The following LRP1B variants were observed in gnomAD, a reference collection of about 807,000 sequenced individuals.
The protein encoded by LRP1B is LDL receptor related protein 1B, also known as low-density lipoprotein receptor-related protein 1B.
LRP1B carries 217 observed loss-of-function variants against 556.6 expected under a neutral mutation model. The observed-to-expected ratio is 0.39, with a 90% CI of 0.35 to 0.44. The LOEUF is 0.44. Ranked by LOEUF, LRP1B falls within the 20% of genes least tolerant of loss-of-function variation. LRP1B has a pLI of 1.00. For missense variants in LRP1B, 5,053 were observed against 5,620.8 expected (o/e 0.90, Z 3.23); for synonymous variants, 2,047 against 1,865.8 (o/e 1.10, Z -2.50).
intron 3 of LRP1B, among the ~76,000 whole-genome samples, chr2:141,392,820 T>G (rs1158978636): frequency 6.6e-6 from 1 of 152,182 alleles, no homozygotes; most frequent in African/African-American, 2.4e-5. Context: ...GTATCCTATA[T>G]GAATGCCCAG....
At chr2:140,266,761 C>T (rs185767740) in intron 86 of LRP1B, among the ~76,000 whole-genome samples, 1 of 151,972 alleles carries the variant, frequency 6.6e-6, no homozygotes, top group African/African-American at 2.4e-5. Flanking sequence ...TAAAGCCTCC[C>T]ACTCTCCCAC....
intron 1 of LRP1B, among the ~76,000 whole-genome samples, chr2:142,060,912 A>G (rs1387444239): frequency 1.3e-5 from 2 of 152,012 alleles, no homozygotes; most frequent in African/African-American, 4.8e-5. Flanking sequence ...GTATGTCCTA[A>G]TGCACTGACA....
intron 1 of LRP1B, among the ~76,000 whole-genome samples, chr2:142,082,232 A>G (rs1034587824): frequency 2.0e-5 from 3 of 152,210 alleles, no homozygotes; most frequent in South Asian, 2.1e-4. Flanking sequence ...TGCCTGAATT[A>G]CTTCCCATAT....
chr2:141,749,814 G>T (rs1462704737), intron 2 of LRP1B, among the ~76,000 whole-genome samples: 1 of 152,096 alleles, frequency 6.6e-6, no homozygotes, highest in Non-Finnish European at 1.5e-5. Context: ...CTCCTGTGAG[G>T]TATGGCTTTA....
At chr2:140,648,117 G>T (rs549824635) in intron 41 of LRP1B, among the ~76,000 whole-genome samples, 1 of 152,124 alleles carries the variant, frequency 6.6e-6, no homozygotes, top group Non-Finnish European at 1.5e-5. Context: ...CCATAGAAAA[G>T]GATGAGTTCA....
chr2:140,657,393 C>T (rs908840115), intron 41 of LRP1B, among the ~76,000 whole-genome samples: 2 of 151,602 alleles, frequency 1.3e-5, no homozygotes, highest in African/African-American at 4.8e-5. Flanking sequence ...ATCCTAAGAC[C>T]AGAGTAAATC....
chr2:141,717,878 CAG>C (rs1213596964), intron 2 of LRP1B, among the ~76,000 whole-genome samples: 7 of 152,154 alleles, frequency 4.6e-5, no homozygotes, highest in Non-Finnish European at 8.8e-5. Flanking sequence ...TTCTATGAGA[CAG>C]AGTAATTTTA....
intron 1 of LRP1B, among the ~76,000 whole-genome samples, chr2:141,865,681 A>G (rs1020177533): frequency 6.6e-6 from 1 of 152,114 alleles, no homozygotes; most frequent in African/African-American, 2.4e-5. Context: ...TGAGAACTAC[A>G]TAGTTGGAGG....
chr2:140,751,225 T>G (rs1338869912), intron 35 of LRP1B, among the ~76,000 whole-genome samples: 1 of 152,136 alleles, frequency 6.6e-6, no homozygotes, highest in Non-Finnish European at 1.5e-5. Context: ...ACTCCTGACC[T>G]CAGGTGATCC....
intron 31 of LRP1B, 132 bp from the exon 32 acceptor site, chr2:140,813,938 C>T (rs1691017219): frequency 3.1e-6 from 2 of 644,316 alleles, no homozygotes; most frequent in Non-Finnish European, 5.3e-6. Context: ...TAAGATCTGG[C>T]TAATAGGGAA....
chr2:140,544,465 G>A (rs892943347), intron 43 of LRP1B, among the ~76,000 whole-genome samples: 21 of 151,706 alleles, frequency 1.4e-4, no homozygotes, highest in African/African-American at 4.1e-4. Context: ...TGATCCTCTC[G>A]CTCCTCTCAC....
At chr2:141,116,201 T>A (rs1172847198) in intron 7 of LRP1B, among the ~76,000 whole-genome samples, 1 of 152,186 alleles carries the variant, frequency 6.6e-6, no homozygotes, top group Non-Finnish European at 1.5e-5. Context: ...CCTATTACAG[T>A]GATTTGTTAT....
At chr2:141,985,257 G>A (rs1230019251) in intron 1 of LRP1B, among the ~76,000 whole-genome samples, 2 of 152,104 alleles carry the variant, frequency 1.3e-5, no homozygotes, top group Non-Finnish European at 2.9e-5. Flanking sequence ...TAGAGGAGTA[G>A]CAAATCAGGT....
rs1684433461 is a variant in LRP1B at position 140,645,105 on chromosome 2, T to C, written c.6800-43466A>G. Among the ~76,000 whole-genome samples, 4 of 152,316 alleles carry C rather than the reference T, an allele frequency of 2.6e-5. No homozygotes were observed. In the South Asian group the frequency reaches 6.2e-4, roughly 24 times the overall value. On this transcript the variant is annotated intron_variant, in intron 41 of 90. Coordinates refer to ENST00000389484, the MANE Select transcript of LRP1B (RefSeq NM_018557.3). ...CACAGGTCACAATTTGCAGACCTTA[T>C]TTTAATCAGGAAGCCTTTTTTCGGT...
intron 7 of LRP1B, among the ~76,000 whole-genome samples, chr2:141,157,396 G>A (rs1702094194): frequency 6.6e-6 from 1 of 151,864 alleles, no homozygotes; most frequent in Non-Finnish European, 1.5e-5. Flanking sequence ...AAGCTAAAAG[G>A]CACTTTGGAG....
At chr2:141,108,820 A>G (rs1324704480) in intron 7 of LRP1B, among the ~76,000 whole-genome samples, 3 of 152,202 alleles carry the variant, frequency 2.0e-5, no homozygotes, top group African/African-American at 7.2e-5. Context: ...TTTATGTGGA[A>G]AGGTATGTGG....
chr2:141,103,908 C>T (rs1301544618), intron 7 of LRP1B, among the ~76,000 whole-genome samples: 1 of 151,900 alleles, frequency 6.6e-6, no homozygotes, highest in African/African-American at 2.4e-5. Flanking sequence ...TTTGTACCAA[C>T]CACATTTGGC....
intron 47 of LRP1B, among the ~76,000 whole-genome samples, chr2:140,532,947 T>TATATATATATATATATATATATACACAC: frequency 8.0e-6 from 1 of 124,320 alleles, no homozygotes; most frequent in Admixed American, 8.0e-5. Flanking sequence ...TATATATATA[T>TATATATATATATATATATATATACACAC]ACACATATAT....
At chr2:141,550,273 A>G (rs1355891864) in intron 2 of LRP1B, among the ~76,000 whole-genome samples, 1 of 152,212 alleles carries the variant, frequency 6.6e-6, no homozygotes, top group Non-Finnish European at 1.5e-5. Flanking sequence ...AGCACAAAGA[A>G]GGTGAATTTT....
Sources: allele counts gnomAD v4.1 joint callset (sites outside exome capture counted in the v4.1 genomes callset), GRCh38; gene constraint gnomAD v4.1.1; transcripts MANE v1.5; gene names NCBI Gene and HGNC (gene_info 2026-07-23, HGNC 2026-07-21).